The following CLVS1 variants were observed in gnomAD, a reference collection of about 807,000 sequenced individuals.
CLVS1 encodes the protein clavesin 1.
CLVS1 carries 10 observed loss-of-function variants against 33.1 expected under a neutral mutation model. That is an observed-to-expected ratio of 0.30 (90% CI 0.19 to 0.51). CLVS1 has a LOEUF of 0.51. CLVS1 is among the 20% of genes least tolerant of loss of function. CLVS1 has a pLI of 0.97. For synonymous variants in CLVS1, 163 were observed against 166.1 expected, an observed-to-expected ratio of 0.98 and a Z score of 0.14; for missense variants, 343 against 433.4, an observed-to-expected ratio of 0.79 and a Z score of 1.85.
rs559980667 is a variant in CLVS1 at position 61,137,749 on chromosome 8, G to T, written c.-152+5889G>T. ...ATGTTGCCATTACCATCTAATTAAA[G>T]AAATTGATGATCCTGCTGAACTTGA... is the stretch of plus-strand genomic sequence containing the variant. On this transcript the variant is annotated intron_variant, in intron 2 of 2. Coordinates refer to the CLVS1 transcript ENST00000522621. 6.6e-5 allele frequency among the ~76,000 whole-genome samples: 10 copies of T among 152,286 alleles called. No homozygotes were observed. The South Asian group carries it at 1.5e-3, about 22-fold the overall frequency.
At chr8:61,225,863 T>C (rs1361862403) in intron 2 of CLVS1, among the ~76,000 whole-genome samples, 1 of 152,230 alleles carries the variant, frequency 6.6e-6, no homozygotes, top group Non-Finnish European at 1.5e-5. Context: ...ACTCCTGTGC[T>C]GTCATTAATC....
chr8:61,442,589 C>T (rs1816595529), intron 3 of CLVS1, among the ~76,000 whole-genome samples: 2 of 152,270 alleles, frequency 1.3e-5, no homozygotes, highest in Admixed American at 6.5e-5. Context: ...TCCACATCCT[C>T]ACCAGCATTT....
intron 3 of CLVS1, among the ~76,000 whole-genome samples, chr8:61,410,066 G>GTTTTTTTTTTTCTTTTTTTTTTTT (rs1815156453): frequency 9.4e-6 from 1 of 106,920 alleles, no homozygotes; most frequent in Admixed American, 1.0e-4. Context: ...ACTTGCAGAG[G>GTTTTTTTTTTTCTTTTTTTTTTTT]TTTTTTTTTT....
intron 2 of CLVS1, among the ~76,000 whole-genome samples, chr8:61,316,043 C>T (rs1213961161): frequency 6.6e-6 from 1 of 152,072 alleles, no homozygotes. Context: ...TCATGTCCCT[C>T]CAAAGGGCAT....
At chr8:61,117,688 A>G (rs1415717415) in intron 1 of CLVS1, among the ~76,000 whole-genome samples, 4 of 152,100 alleles carry the variant, frequency 2.6e-5, no homozygotes, top group African/African-American at 9.7e-5. Context: ...TGATTTGCGT[A>G]TATTGAACCA....
chr8:61,233,619 C>G (rs1428257517), intron 2 of CLVS1, among the ~76,000 whole-genome samples: 1 of 152,172 alleles, frequency 6.6e-6, no homozygotes, highest in African/African-American at 2.4e-5. Context: ...CTCCTAGAAC[C>G]AGACTCCTTC....
At chr8:61,144,458 G>T (rs1465892585) in intron 2 of CLVS1, among the ~76,000 whole-genome samples, 2 of 152,020 alleles carry the variant, frequency 1.3e-5, no homozygotes, top group African/African-American at 2.4e-5. Flanking sequence ...TCATTGATGG[G>T]CATTTGGGTT....
chr8:61,441,834 C>T (rs1355482740), intron 3 of CLVS1, among the ~76,000 whole-genome samples: 1 of 152,164 alleles, frequency 6.6e-6, no homozygotes, highest in Non-Finnish European at 1.5e-5. Context: ...AAATGAAGTG[C>T]ATTTCTAATG....
At chr8:61,001,859 A>T in the CLVS1 span, among the ~76,000 whole-genome samples, 1 of 152,108 alleles carries the variant, frequency 6.6e-6, no homozygotes, top group Non-Finnish European at 1.5e-5. Context: ...AAATCCCACC[A>T]TTCCTTCAAG....
chr8:61,080,661 G>A (rs1423512067), intron 1 of CLVS1, among the ~76,000 whole-genome samples: 1 of 152,190 alleles, frequency 6.6e-6, no homozygotes, highest in Non-Finnish European at 1.5e-5. Flanking sequence ...AGTAACTATT[G>A]TTTGCAAAGC....
intron 1 of CLVS1, among the ~76,000 whole-genome samples, chr8:61,084,794 A>G (rs1013714199): frequency 1.3e-5 from 2 of 152,246 alleles, no homozygotes; most frequent in Non-Finnish European, 2.9e-5. Flanking sequence ...TAAAAGTTTG[A>G]AACTGTCTCC....
intron 3 of CLVS1, among the ~76,000 whole-genome samples, chr8:61,395,976 G>C (rs1252237401): frequency 6.6e-6 from 1 of 152,082 alleles, no homozygotes; most frequent in Admixed American, 6.5e-5. Flanking sequence ...TCCCACACTT[G>C]TCAGTTATTT....
intron 2 of CLVS1, among the ~76,000 whole-genome samples, chr8:61,138,984 C>T (rs1449270129): frequency 2.6e-5 from 4 of 152,284 alleles, no homozygotes; most frequent in Non-Finnish European, 4.4e-5. Flanking sequence ...ACAATGGCTT[C>T]TCCTTGCTCT....
chr8:61,088,199 A>G (rs1262171991), intron 1 of CLVS1, among the ~76,000 whole-genome samples: 1 of 152,212 alleles, frequency 6.6e-6, no homozygotes, highest in South Asian at 2.1e-4. Context: ...TAATGTAGCA[A>G]TGTAATTGGC....
At chr8:61,143,351 G>A (rs1199768106) in intron 2 of CLVS1, among the ~76,000 whole-genome samples, 2 of 152,166 alleles carry the variant, frequency 1.3e-5, no homozygotes, top group East Asian at 3.8e-4. Flanking sequence ...ATCTTCAGCA[G>A]GGAATTTCCC....
intron 2 of CLVS1, among the ~76,000 whole-genome samples, chr8:61,320,585 G>T (rs1486481510): frequency 1.3e-5 from 2 of 152,170 alleles, no homozygotes; most frequent in East Asian, 3.8e-4. Context: ...ATTTCTCACA[G>T]TTCTGGAGGC....
At chr8:61,411,003 G>A (rs1485569438) in intron 3 of CLVS1, among the ~76,000 whole-genome samples, 1 of 152,154 alleles carries the variant, frequency 6.6e-6, no homozygotes, top group Non-Finnish European at 1.5e-5. Context: ...TCCTACGCTT[G>A]TGCTCTCCTC....
the CLVS1 span, among the ~76,000 whole-genome samples, chr8:60,993,201 C>T: frequency 6.6e-6 from 1 of 152,216 alleles, no homozygotes; most frequent in Non-Finnish European, 1.5e-5. Context: ...GGGCTGCCCC[C>T]AGCCCAGCTT....
At chr8:61,043,610 C>T in the CLVS1 span, among the ~76,000 whole-genome samples, 1 of 152,136 alleles carries the variant, frequency 6.6e-6, no homozygotes, top group Non-Finnish European at 1.5e-5. Flanking sequence ...GTAGGAAGAA[C>T]AGAAGAAATT....
Sources: allele counts gnomAD v4.1 joint callset (sites outside exome capture counted in the v4.1 genomes callset), GRCh38; gene constraint gnomAD v4.1.1; transcripts MANE v1.5; gene names NCBI Gene and HGNC (gene_info 2026-07-23, HGNC 2026-07-21).